Variants in DYNC1LI2 observed in about 807,000 individuals in gnomAD.
DYNC1LI2 encodes the protein cytoplasmic dynein 1 light intermediate chain 2.
A neutral mutation model predicts 57.8 loss-of-function variants in DYNC1LI2; 19 were observed. That is an observed-to-expected ratio of 0.33 (90% CI 0.23 to 0.48). The LOEUF is 0.48. Among genes scored for constraint, DYNC1LI2 ranks in the 20% least tolerant of loss-of-function variants. The probability of loss-of-function intolerance (pLI) is 0.99; values close to 1 mark genes in which losing one functional copy is unlikely to be tolerated. For synonymous variants in DYNC1LI2, 256 were observed against 233.4 expected (o/e 1.10, Z -0.88); for missense variants, 470 against 604.2 (o/e 0.78, Z 2.33).
chr16:66,748,626 A>G (rs1003687417), intron 3 of DYNC1LI2, among the ~76,000 whole-genome samples: 1 of 152,158 alleles, frequency 6.6e-6, no homozygotes, highest in African/African-American at 2.4e-5. Flanking sequence ...GCTTGAGTGT[A>G]TAACACAGCT....
chr16:66,740,593 T>A (rs1236667972), intron 4 of DYNC1LI2, among the ~76,000 whole-genome samples: 1 of 152,168 alleles, frequency 6.6e-6, no homozygotes, highest in Non-Finnish European at 1.5e-5. Context: ...TTCCTCCTTA[T>A]AACCAAACTG....
intron 12 of DYNC1LI2, among the ~76,000 whole-genome samples, chr16:66,724,313 T>C (rs1428706389): frequency 5.9e-5 from 9 of 152,172 alleles, no homozygotes. Context: ...ACAAAATCTA[T>C]ACTTGTATTT....
At position 66,726,852 on chromosome 16, in the gene DYNC1LI2, C is replaced by T. The variant is rs929087000; in HGVS notation, c.1261+836G>A. On this transcript the variant is annotated intron_variant, in intron 11 of 12. Coordinates refer to ENST00000258198, the MANE Select transcript of DYNC1LI2 (RefSeq NM_006141.3). ...TTCACCATGTTGGCCAGGCTGGTCT[C>T]AAACTCCTGCCCTCAAGTGATCTGC... Among the ~76,000 whole-genome samples the T allele has an allele frequency of 2.5e-4, 38 of 151,962 alleles. 1 individual carries two copies. Among genetic ancestry groups the T allele is most frequent in the Admixed American group, 2.2e-3 (34 of 15,246 alleles).
At chr16:66,728,506 AAAAAGAACCATC>A (rs2017576599) in intron 9 of DYNC1LI2, among the ~76,000 whole-genome samples, 1 of 152,224 alleles carries the variant, frequency 6.6e-6, no homozygotes, top group African/African-American at 2.4e-5. Flanking sequence ...AAACAGTTGG[AAAAAGAACCATC>A]AAAACTTCCT....
chr16:66,742,300 G>C, intron 4 of DYNC1LI2, 138 bp downstream of exon 4: 1 of 805,750 alleles, frequency 1.2e-6, no homozygotes, highest in Non-Finnish European at 1.9e-6. Flanking sequence ...GTTTACAAGA[G>C]GAACTCTGAA....
At chr16:66,742,037 G>C (rs952119348) in intron 4 of DYNC1LI2, among the ~76,000 whole-genome samples, 5 of 152,028 alleles carry the variant, frequency 3.3e-5, no homozygotes, top group Non-Finnish European at 5.9e-5. Flanking sequence ...GGGTCCATAG[G>C]GCCTTAATGG....
chr16:66,743,791 C>T (rs1002401970), intron 3 of DYNC1LI2, among the ~76,000 whole-genome samples: 1 of 152,134 alleles, frequency 6.6e-6, no homozygotes, highest in African/African-American at 2.4e-5. Context: ...GCCAAAGAGA[C>T]AGAACCTTTG....
chr16:66,734,201 C>G lies in DYNC1LI2; in HGVS notation c.793+17G>C, dbSNP rs767932127. The G allele has an allele frequency of 5.0e-6, 8 of 1,613,266 alleles. No individual in the cohort carries two copies. The highest frequency in any genetic ancestry group is 6.8e-6 in the Non-Finnish European group (8 of 1,179,632). ...GAAAGCCTGTGACCCAGGCCCCACA[C>G]AGCGCCCAAAGGATACACTGAAGGC... On this transcript the variant is annotated intron_variant, in intron 6 of 12. Transcript: ENST00000258198.
chr16:66,725,418 T>A (rs1186153040), intron 12 of DYNC1LI2, among the ~76,000 whole-genome samples: 1 of 149,888 alleles, frequency 6.7e-6, no homozygotes, highest in Non-Finnish European at 1.5e-5. Context: ...GAGGCGGAGG[T>A]TGCAGTGAGA....
rs926656691 is a variant in DYNC1LI2 at position 66,723,837 on chromosome 16, A to C, written c.1379-15T>G. The stretch of plus-strand genomic sequence containing the variant: ...AGTCTTTTGTCCTGAAAAAAAAAAA[A>C]AGCAAAAAAGCAAAGTAATGATGTG... On this transcript the variant is annotated splice_polypyrimidine_tract_variant and intron_variant, in intron 12 of 12. Transcript: ENST00000258198. 1 of 1,564,824 alleles carries C rather than the reference A, an allele frequency of 6.4e-7. No homozygotes were observed. Among genetic ancestry groups the C allele is most frequent in the African/African-American group, 1.4e-5 (1 of 72,344 alleles).
intron 4 of DYNC1LI2, among the ~76,000 whole-genome samples, chr16:66,741,058 T>C (rs1303419442): frequency 6.6e-6 from 1 of 151,996 alleles, no homozygotes; most frequent in Non-Finnish European, 1.5e-5. Context: ...CTCCAGCACC[T>C]AGAACCTGGT....
intron 6 of DYNC1LI2, chr16:66,732,965 A>T (rs1040076991): frequency 7.9e-5 from 12 of 152,298 alleles, no homozygotes; most frequent in Admixed American, 2.0e-4. Context: ...CCCAAAAAAG[A>T]TGGCAGGAAC....
intron 2 of DYNC1LI2, among the ~76,000 whole-genome samples, chr16:66,750,202 T>A (rs2018017991): frequency 6.6e-6 from 1 of 152,336 alleles, no homozygotes; most frequent in Non-Finnish European, 1.5e-5. Context: ...GATCTGGTGA[T>A]CTTGATCCCC....
chr16:66,743,510 G>C (rs575275109), intron 3 of DYNC1LI2, among the ~76,000 whole-genome samples: 30 of 146,266 alleles, frequency 2.1e-4, no homozygotes, highest in African/African-American at 7.6e-4. Flanking sequence ...GCAGTGAGTC[G>C]AGATCGTGCC....
chr16:66,747,025 G>A (rs2017948148), intron 3 of DYNC1LI2, among the ~76,000 whole-genome samples: 1 of 152,008 alleles, frequency 6.6e-6, no homozygotes, highest in African/African-American at 2.4e-5. Context: ...GGGCCTAGAT[G>A]AGTACCCAAA....
At chr16:66,744,149 GA>G (rs1311777336) in intron 3 of DYNC1LI2, among the ~76,000 whole-genome samples, 2 of 152,050 alleles carry the variant, frequency 1.3e-5, no homozygotes, top group African/African-American at 4.8e-5. Flanking sequence ...GATTTCCTGG[GA>G]TAGTGATCCA....
chr16:66,743,560 C>CAAAAAA (rs56749595), intron 3 of DYNC1LI2, among the ~76,000 whole-genome samples: 1 of 87,192 alleles, frequency 1.1e-5, no homozygotes, highest in Non-Finnish European at 2.2e-5. Context: ...GACTCCATCT[C>CAAAAAA]AAAAAAAAAA....
intron 9 of DYNC1LI2, 79 bp downstream of exon 9, chr16:66,728,961 A>T: frequency 2.0e-6 from 3 of 1,481,446 alleles, no homozygotes; most frequent in Non-Finnish European, 2.8e-6. Flanking sequence ...TCCCACATGC[A>T]GACACCCCCA....
chr16:66,727,828 T>TCA (rs1327944651), intron 10 of DYNC1LI2, 23 bp from the exon 11 acceptor site: 1 of 1,590,626 alleles, frequency 6.3e-7, no homozygotes, highest in African/African-American at 1.4e-5. Context: ...GCAGCTAAGG[T>TCA]CACACACAGG....
Sources: allele counts gnomAD v4.1 joint callset (sites outside exome capture counted in the v4.1 genomes callset), GRCh38; gene constraint gnomAD v4.1.1; transcripts MANE v1.5; gene names NCBI Gene and HGNC (gene_info 2026-07-23, HGNC 2026-07-21).